The following MROH2B variants were observed in gnomAD, a reference collection of about 807,000 sequenced individuals.
The protein encoded by MROH2B is maestro heat like repeat family member 2B, also known as maestro heat-like repeat-containing protein family member 2B.
A neutral mutation model predicts 208.6 loss-of-function variants in MROH2B; 177 were observed. The ratio of observed to expected loss-of-function variants is 0.85; its 90% CI spans 0.75 to 0.96. The LOEUF is 0.96. Ranked by LOEUF, MROH2B falls within the 40% of genes least tolerant of loss-of-function variation. The pLI is 0.00. For synonymous variants in MROH2B, 728 were observed against 659.0 expected (o/e 1.10, Z -1.60); for missense variants, 2,002 against 1,878.7 (o/e 1.07, Z -1.21).
chr5:41,032,518 C>T (rs1742606062), intron 24 of MROH2B, among the ~76,000 whole-genome samples: 1 of 151,952 alleles, frequency 6.6e-6, no homozygotes, highest in African/African-American at 2.4e-5. Context: ...CATATAATTC[C>T]TCTGAGTAGC....
chr5:41,061,152 C>T (rs1033314766), intron 6 of MROH2B, among the ~76,000 whole-genome samples: 5 of 152,150 alleles, frequency 3.3e-5, no homozygotes, highest in Non-Finnish European at 5.9e-5. Context: ...ACAAGAAGCA[C>T]CTGTGGACTG....
At position 41,038,794 on chromosome 5, in the gene MROH2B, G is replaced by C; in HGVS notation, c.2156C>G (p.Ser719Cys). 1.2e-6 allele frequency: 2 copies of C among 1,613,672 alleles called. No individual in the cohort carries two copies. Among genetic ancestry groups the C allele is most frequent in the Non-Finnish European group, 1.7e-6 (2 of 1,179,710 alleles). Residue 719 changes from serine (S) to cysteine (C), a missense_variant, in exon 21 of 42, where the codon TCC becomes TGC. Ser to Cys is a moderately radical substitution (Grantham distance 112). Transcript: ENST00000399564. ...GGATATGATATCTTGATTAAGTCTG[G>C]AGAGAAGTTGCTTCTTGGGAGCATG... is the stretch of plus-strand genomic sequence containing the variant. ...ALHAPKKQLLSRLNQDIISQV... is the reference protein window; with the variant it reads ...ALHAPKKQLLCRLNQDIISQV...
rs552802009 is a variant in MROH2B at position 41,018,028 on chromosome 5, G to A, written c.2764-58C>T. On this transcript the variant is annotated intron_variant, in intron 27 of 41. Coordinates refer to ENST00000399564, the MANE Select transcript of MROH2B (RefSeq NM_173489.5). ...GGGTAGCTTGGTCATATCCCAGGAT[G>A]TTCCCAACACTGGATCTCAAGTCTC... is the stretch of plus-strand genomic sequence containing the variant. The A allele has an allele frequency of 1.6e-5, 24 of 1,534,170 alleles. No individual in the cohort carries two copies. The South Asian group carries it at 2.0e-4, about 13-fold the overall frequency.
chr5:41,005,107 A>C, intron 35 of MROH2B, 187 bp from the exon 36 acceptor site: 1 of 697,694 alleles, frequency 1.4e-6, no homozygotes. Context: ...CGCACAGGTC[A>C]AGCTTGCATG....
intron 16 of MROH2B, 118 bp from the exon 17 acceptor site, chr5:41,047,882 T>A (rs1743170118): frequency 1.2e-6 from 1 of 848,054 alleles, no homozygotes; most frequent in Non-Finnish European, 1.9e-6. Context: ...TTTTTGCTCA[T>A]AATGCTTATT....
intron 29 of MROH2B, among the ~76,000 whole-genome samples, chr5:41,013,684 C>T (rs1335256403): frequency 1.3e-5 from 2 of 152,164 alleles, no homozygotes; most frequent in African/African-American, 4.8e-5. Flanking sequence ...GCCGGTTGTC[C>T]AAGCTTCATG....
At chr5:41,059,136 T>C (rs182952081) in intron 6 of MROH2B, among the ~76,000 whole-genome samples, 1 of 152,098 alleles carries the variant, frequency 6.6e-6, no homozygotes, top group East Asian at 1.9e-4. Context: ...TTCTCTTTCC[T>C]GCTCTTGGAG....
intron 28 of MROH2B, among the ~76,000 whole-genome samples, chr5:41,015,837 A>C (rs1266220966): frequency 1.3e-5 from 2 of 152,166 alleles, no homozygotes; most frequent in Non-Finnish European, 2.9e-5. Flanking sequence ...CCCAGGTTCC[A>C]ACTACTCTGC....
At chr5:41,007,094 A>G (rs926016605) in intron 34 of MROH2B, among the ~76,000 whole-genome samples, 16 of 152,184 alleles carry the variant, frequency 1.1e-4, no homozygotes, top group Admixed American at 1.0e-3. Flanking sequence ...TTGTCTAAAG[A>G]TGTTCACCTG....
Position 41,052,538 on chromosome 5 carries a change from T to C in MROH2B, c.1157A>G (p.Tyr386Cys), listed in dbSNP as rs1172025149. The change falls in exon 12 of 42, where the codon TAT becomes TGT. Residue 386 changes from tyrosine to cysteine, a missense_variant. Tyr to Cys is a radical substitution (Grantham distance 194). Transcript: ENST00000399564. ...TGGCCATCCTTCCCGAGCTTCAATA[T>C]AGGACTTTTCACACATGGTTTGGAT... The part of the protein sequence containing the change: ...LLIQTMCEKS[Y>C]IEAREGWPLI... 2.5e-6 allele frequency: 4 copies of C among 1,612,624 alleles called. No individual in the cohort carries two copies. In the East Asian group the frequency reaches 6.7e-5, roughly 27 times the overall value.
In MROH2B at chr5:41,071,051, T is replaced by TGA. The variant is rs1219460986; in HGVS notation, c.-200_-199insTC. ...GGGCTTGCTGTTGAAGTTGATACTG[T>TGA]ATTCTACCACTATGACATTGTCTTG... On this transcript the variant is annotated 5_prime_UTR_variant, in exon 1 of 42. An upstream open reading frame in the 5' UTR gains an earlier in-frame stop. Transcript: ENST00000399564. 10 of 565,320 alleles carry TGA rather than the reference T, an allele frequency of 1.8e-5. No individual in the cohort carries two copies. The highest frequency in any genetic ancestry group is 3.1e-5 in the Non-Finnish European group (10 of 318,426). The allele number at this position is 565,320 out of a possible 1,614,324, so 35.0% of individuals were successfully genotyped here.
chr5:41,024,037 C>G (rs1244139799), intron 24 of MROH2B, among the ~76,000 whole-genome samples: 1 of 152,126 alleles, frequency 6.6e-6, no homozygotes, highest in African/African-American at 2.4e-5. Context: ...GAAGGAAGCA[C>G]TAAACATGGT....
chr5:40,999,012 T>C (rs1421130021), intron 40 of MROH2B, among the ~76,000 whole-genome samples: 2 of 152,208 alleles, frequency 1.3e-5, no homozygotes, highest in Admixed American at 6.5e-5. Context: ...GGGGATCATA[T>C]GTATGATTCA....
At chr5:41,069,612 G>A (rs1334591315) in intron 2 of MROH2B, 79 bp downstream of exon 2, 1 of 1,158,972 alleles carries the variant, frequency 8.6e-7, no homozygotes, top group Non-Finnish European at 1.2e-6. Flanking sequence ...TGAGAAAGTT[G>A]AGACAAAGAA....
intron 40 of MROH2B, among the ~76,000 whole-genome samples, chr5:40,999,076 C>A (rs1008734465): frequency 6.6e-6 from 1 of 152,136 alleles, no homozygotes; most frequent in Non-Finnish European, 1.5e-5. Context: ...AGGGAGTGGG[C>A]CTGTTGTCTG....
intron 1 of MROH2B, among the ~76,000 whole-genome samples, chr5:41,070,135 T>C (rs1376915966): frequency 1.3e-5 from 2 of 152,188 alleles, no homozygotes; most frequent in Non-Finnish European, 1.5e-5. Flanking sequence ...AACATAGCTG[T>C]TTATTTTTCA....
At position 41,067,620 on chromosome 5, in the gene MROH2B, G is replaced by A. The variant is rs1052039104; in HGVS notation, c.91-402C>T. On this transcript the variant is annotated intron_variant, in intron 2 of 41. Coordinates refer to ENST00000399564, the MANE Select transcript of MROH2B (RefSeq NM_173489.5). ...TGACCTCAGGTGATCCACTTGCCTC[G>A]GTCTCCCAAAGTGCTGGGATTACAG... 4.6e-4 allele frequency among the ~76,000 whole-genome samples: 70 copies of A among 152,116 alleles called. 1 individual carries two copies. The highest frequency in any genetic ancestry group is 4.6e-3 in the Admixed American group (70 of 15,272).
At position 41,051,035 on chromosome 5, in the gene MROH2B, C is replaced by T. The variant is rs189374949; in HGVS notation, c.1286G>A (p.Arg429Gln). The T allele has an allele frequency of 2.8e-4, 430 of 1,563,458 alleles. No homozygotes were observed. Among genetic ancestry groups the T allele is most frequent in the Admixed American group, 6.3e-5 (3 of 47,266 alleles). ...HENEKEEESVRETSLEVLKTL... is the reference protein window; with the variant it reads ...HENEKEEESVQETSLEVLKTL... ...TTTTAAGACCTCAAGGCTTGTTTCT[C>T]GGACAGATTCCTCTTCCTTTTCATT... is the stretch of plus-strand genomic sequence containing the variant. The change falls in exon 13 of 42, where the codon CGA becomes CAA. Residue 429 changes from arginine (R) to glutamine (Q), a missense_variant. By Grantham distance (43) the Arg-to-Gln change is conservative. Coordinates refer to ENST00000399564, the MANE Select transcript of MROH2B (RefSeq NM_173489.5).
intron 22 of MROH2B, 62 bp from the exon 23 acceptor site, chr5:41,033,222 CATGTGACCTAGCTTTGAA>C (rs1742636667): frequency 1.9e-6 from 3 of 1,586,056 alleles, no homozygotes; most frequent in Admixed American, 1.8e-5. Context: ...GGTCTATTAA[CATGTGACCTAGCTTTGAA>C]ATATGTTCCC....
Sources: gnomAD v4.1 joint callset for allele counts (sites outside exome capture counted in the v4.1 genomes callset) on GRCh38, gnomAD v4.1.1 for gene constraint, MANE v1.5 for transcripts, NCBI Gene and HGNC (gene_info 2026-07-23, HGNC 2026-07-21) for gene names.